Variants in PMP22 observed in about 807,000 individuals in gnomAD.
PMP22 encodes the protein peripheral myelin protein 22.
Under a neutral mutation model 18.9 loss-of-function variants are expected in PMP22, and 2 were observed. The ratio of observed to expected loss-of-function variants is 0.11; its 90% CI spans 0.04 to 0.33. The LOEUF (loss-of-function observed/expected upper bound fraction) is 0.33, where lower values mean the gene tolerates loss of function less well. Among genes scored for constraint, PMP22 ranks in the 10% least tolerant of loss-of-function variants. The pLI is 1.00. For synonymous variants in PMP22, 95 were observed against 89.2 expected, an observed-to-expected ratio of 1.07 and a Z score of -0.37; for missense variants, 169 against 202.2, an observed-to-expected ratio of 0.84 and a Z score of 1.00.
At chr17:15,251,495 A>G (rs1368628866) in intron 3 of PMP22, 1 of 154,256 alleles carries the variant, frequency 6.5e-6, no homozygotes, top group Non-Finnish European at 1.5e-5. Context: ...TTAGCTCTTC[A>G]AAAACAAAAG....
Position 15,233,824 on chromosome 17 carries a change from C to T in PMP22, c.320-2744G>A, listed in dbSNP as rs539524160. Among the ~76,000 whole-genome samples the T allele has an allele frequency of 2.6e-5, 4 of 152,258 alleles. No homozygotes were observed. In the South Asian group the frequency reaches 8.3e-4, roughly 32 times the overall value. On this transcript the variant is annotated intron_variant, in intron 4 of 4. Coordinates refer to ENST00000312280, the MANE Select transcript of PMP22 (RefSeq NM_000304.4). ...CAGATGCCCCAAGAGCATAGACGGG[C>T]GCTGAGTCCAAACTGGAGAACTGGA...
chr17:15,232,728 G>T (rs1335662502), intron 4 of PMP22: 1 of 152,220 alleles, frequency 6.6e-6, no homozygotes, highest in Non-Finnish European at 1.5e-5. Context: ...TGTCTAACCA[G>T]ATCTGGCATG....
intron 3 of PMP22, among the ~76,000 whole-genome samples, chr17:15,245,663 G>A (rs1260125806): frequency 6.6e-6 from 1 of 152,122 alleles, no homozygotes; most frequent in Non-Finnish European, 1.5e-5. Flanking sequence ...CTGTTATTGA[G>A]GGGCCAGGTT....
chr17:15,232,952 A>C (rs1019685944), intron 4 of PMP22, among the ~76,000 whole-genome samples: 1 of 152,232 alleles, frequency 6.6e-6, no homozygotes, highest in South Asian at 2.1e-4. Context: ...GTAAACTTAG[A>C]TATCTACAAA....
intron 3 of PMP22, among the ~76,000 whole-genome samples, chr17:15,257,912 G>A (rs928845013): frequency 2.0e-5 from 3 of 152,154 alleles, no homozygotes; most frequent in African/African-American, 4.8e-5. Context: ...TTTGTACTGT[G>A]GTTCAAGGAA....
intron 4 of PMP22, among the ~76,000 whole-genome samples, chr17:15,238,391 A>G (rs1456075003): frequency 1.3e-5 from 2 of 152,212 alleles, no homozygotes; most frequent in African/African-American, 4.8e-5. Context: ...TCCTGGGGAC[A>G]GAGTGGTGAA....
chr17:15,230,946 T>C lies in PMP22; in HGVS notation c.454A>G (p.Ile152Val), dbSNP rs1398185771. The C allele has an allele frequency of 4.3e-6, 7 of 1,614,022 alleles. No individual in the cohort carries two copies. Among genetic ancestry groups the C allele is most frequent in the African/African-American group, 1.3e-5 (1 of 74,934 alleles). ...TCGCGTTTCCGCAAGATCACATAGA[T>C]GACACCGCTGAGAAGGGCCAGGGGG... Reference protein sequence around the residue: ...AFPLALLSGVIYVILRKRE With the variant: ...AFPLALLSGVVYVILRKRE The change falls in exon 5 of 5, where the codon ATC becomes GTC. Residue 152 changes from isoleucine (I) to valine (V), a missense_variant. Ile to Val is a conservative substitution (Grantham distance 29). Coordinates refer to ENST00000312280, the MANE Select transcript of PMP22 (RefSeq NM_000304.4).
intron 3 of PMP22, among the ~76,000 whole-genome samples, chr17:15,246,377 A>G (rs918385144): frequency 2.0e-4 from 30 of 152,378 alleles, no homozygotes; most frequent in African/African-American, 7.2e-4. Flanking sequence ...TATTTACAAA[A>G]GCAGGTTGGA....
At chr17:15,240,234 A>G (rs939588001) in intron 3 of PMP22, among the ~76,000 whole-genome samples, 1 of 152,180 alleles carries the variant, frequency 6.6e-6, no homozygotes, top group Non-Finnish European at 1.5e-5. Context: ...TATTCCAAGA[A>G]AAATAGCTTA....
At chr17:15,254,117 A>G (rs545014069) in intron 3 of PMP22, among the ~76,000 whole-genome samples, 1 of 152,350 alleles carries the variant, frequency 6.6e-6, no homozygotes, top group East Asian at 1.9e-4. Flanking sequence ...ACTTAACAGA[A>G]GCAGGAGTGG....
At chr17:15,237,938 A>C (rs572563761) in intron 4 of PMP22, among the ~76,000 whole-genome samples, 7 of 152,230 alleles carry the variant, frequency 4.6e-5, no homozygotes, top group African/African-American at 1.7e-4. Context: ...TCTTGAGGGC[A>C]TATCCACTGA....
intron 3 of PMP22, among the ~76,000 whole-genome samples, chr17:15,242,547 T>C (rs748410956): frequency 6.6e-6 from 1 of 152,122 alleles, no homozygotes; most frequent in Non-Finnish European, 1.5e-5. Flanking sequence ...ATGCATATAA[T>C]AACATGGCCT....
chr17:15,231,132 C>A, intron 4 of PMP22, 52 bp from the exon 5 acceptor site: 1 of 1,576,386 alleles, frequency 6.3e-7, no homozygotes. Context: ...GGCAGAGCGG[C>A]CCCCTCTCCG....
chr17:15,231,272 A>C (rs1906325337), intron 4 of PMP22, among the ~76,000 whole-genome samples, 192 bp from the exon 5 acceptor site: 1 of 152,178 alleles, frequency 6.6e-6, no homozygotes, highest in Admixed American at 6.5e-5. Context: ...CTTGCTCTCT[A>C]TTTCCAATCT....
intron 3 of PMP22, among the ~76,000 whole-genome samples, chr17:15,252,628 G>A (rs1908459650): frequency 6.6e-6 from 1 of 152,228 alleles, no homozygotes; most frequent in South Asian, 2.1e-4. Flanking sequence ...TTCCCTTCAT[G>A]CTTTGGTGTT....
At chr17:15,232,794 G>A (rs570934662) in intron 4 of PMP22, among the ~76,000 whole-genome samples, 14 of 152,294 alleles carry the variant, frequency 9.2e-5, no homozygotes, top group South Asian at 2.1e-4. Flanking sequence ...CTGACTAAGA[G>A]GAGATACCAG....
At chr17:15,264,207 CTGAT>C (rs1162790980) in intron 1 of PMP22, among the ~76,000 whole-genome samples, 181 of 142,610 alleles carry the variant, frequency 1.3e-3, no homozygotes, top group African/African-American at 4.5e-3. Flanking sequence ...GCTTGTAACT[CTGAT>C]AGGTAGGTAG....
intron 3 of PMP22, among the ~76,000 whole-genome samples, chr17:15,239,902 A>T (rs548557447): frequency 1.3e-5 from 2 of 152,388 alleles, no homozygotes; most frequent in Admixed American, 1.3e-4. Flanking sequence ...CACATTACAT[A>T]CATATATACC....
Position 15,230,624 on chromosome 17 carries a change from A to G in PMP22, c.*293T>C. ...AAATACTGAGCTGGATTATACTGTT[A>G]GGATGTAAAGTTCCTTAGCTACTTC... On this transcript the variant is annotated 3_prime_UTR_variant, in exon 5 of 5. Coordinates refer to ENST00000312280, the MANE Select transcript of PMP22 (RefSeq NM_000304.4). The G allele has an allele frequency of 2.3e-6, 1 of 433,870 alleles. No individual in the cohort carries two copies. The highest frequency in any genetic ancestry group is 4.7e-5 in the East Asian group (1 of 21,058). 26.9% of individuals were successfully genotyped at this position (433,870 alleles called of 1,614,324 possible). A position where few individuals can be genotyped will look rare whatever the true frequency, so the allele number is the denominator to read the frequency against.
Sources: gnomAD v4.1 joint callset for allele counts (sites outside exome capture counted in the v4.1 genomes callset) on GRCh38, gnomAD v4.1.1 for gene constraint, MANE v1.5 for transcripts, NCBI Gene and HGNC (gene_info 2026-07-23, HGNC 2026-07-21) for gene names.